SLC18B1: variants seen among roughly 807,000 people sequenced by gnomAD.
SLC18B1 encodes the protein MFS-type transporter SLC18B1.
A neutral mutation model predicts 53.9 loss-of-function variants in SLC18B1; 62 were observed. The observed-to-expected ratio is 1.15, with a 90% confidence interval of 0.94 to 1.42. The LOEUF (loss-of-function observed/expected upper bound fraction) is 1.42, where lower values mean the gene tolerates loss of function less well. SLC18B1 is among the 40% of genes most tolerant of loss of function. The probability of loss-of-function intolerance (pLI) is 0.00; values close to 1 mark genes in which losing one functional copy is unlikely to be tolerated. For missense variants in SLC18B1, 598 were observed against 547.3 expected (o/e 1.09, Z -0.93); for synonymous variants, 217 against 200.9 (o/e 1.08, Z -0.68).
intron 11 of SLC18B1, 65 bp from the exon 12 acceptor site, chr6:132,771,194 C>T: frequency 7.3e-7 from 1 of 1,368,376 alleles, no homozygotes. Context: ...TCATGAAAAG[C>T]TACATGATCC....
chr6:132,773,629 G>C (rs78907017), intron 9 of SLC18B1, among the ~76,000 whole-genome samples: 2,523 of 152,310 alleles, frequency 0.017, 41 homozygotes, highest in Non-Finnish European at 0.026. Flanking sequence ...GCTCTTGGAA[G>C]TTAAGTGGTT....
At chr6:132,792,288 AAAGGAAGGAAGGAAGGAAGGAAGGAAGG>A (rs1167820594) in intron 2 of SLC18B1, among the ~76,000 whole-genome samples, 1 of 39,904 alleles carries the variant, frequency 2.5e-5, no homozygotes, top group African/African-American at 1.3e-4. Flanking sequence ...AGAAAGGAAG[AAAGGAAGGAAGGAAGGAAGGAAGGAAGG>A]AAGGAAGGAA....
intron 4 of SLC18B1, 128 bp from the exon 5 acceptor site, chr6:132,787,709 T>C (rs1781414374): frequency 1.5e-5 from 12 of 787,136 alleles, no homozygotes; most frequent in Non-Finnish European, 2.1e-5. Flanking sequence ...CTTTAGAATA[T>C]GATTTTTTTA....
rs748347765 is a variant in SLC18B1, at chr6:132,774,331, G to A, written c.898-18C>T. The A allele has an allele frequency of 1.3e-6, 2 of 1,588,858 alleles. No individual in the cohort carries two copies. The highest frequency in any genetic ancestry group is 1.7e-6 in the Non-Finnish European group (2 of 1,161,150). On this transcript the variant is annotated intron_variant, in intron 8 of 13. Transcript: ENST00000275227. ...CTTAGAGGCTGGTAAAGGAGAAAGA[G>A]AGTCAAAATGATTCTTAGAGGCAAA... is the stretch of plus-strand genomic sequence containing the variant.
rs375215839 is a variant in SLC18B1 at position 132,771,063 on chromosome 6, A to G, written c.1227T>C (p.Ala409=). ...YEKIGFEWAA[A]IQGLWALISG... ...TTATCAGAGCCCATAGACCTTGTAT[A>G]GCTGCTGCCCATTCAAAACCAATTT... The change falls in exon 12 of 14, where the codon GCT becomes GCC. Residue 409 remains alanine (A), a synonymous_variant. Coordinates refer to ENST00000275227, the MANE Select transcript of SLC18B1 (RefSeq NM_052831.3). 1.8e-5 allele frequency: 29 copies of G among 1,614,074 alleles called. No homozygotes were observed. In the African/African-American group the frequency reaches 3.9e-4, roughly 22 times the overall value.
chr6:132,771,105 A>G lies in SLC18B1; in HGVS notation c.1185T>C (p.Gly395=). 6.2e-7 allele frequency: 1 copy of G among 1,614,140 alleles called. No homozygotes were observed. Among genetic ancestry groups the G allele is most frequent in the Non-Finnish European group, 8.5e-7 (1 of 1,180,006 alleles). ...AACCAATTTTCTCATACAGAAATCC[A>G]CCCAGCGTTGGTCCCATAAAAGCAC... is the stretch of plus-strand genomic sequence containing the variant. ...SIGAFMGPTL[G]GFLYEKIGFE... The change falls in exon 12 of 14, where the codon GGT becomes GGC. Residue 395 remains glycine, a synonymous_variant. Transcript: ENST00000275227.
chr6:132,792,328 G>T (rs71574634), intron 2 of SLC18B1, among the ~76,000 whole-genome samples: 1 of 108,276 alleles, frequency 9.2e-6, no homozygotes, highest in Non-Finnish European at 1.7e-5. Context: ...AGGAAGGAAG[G>T]AAGGAAGGAA....
intron 4 of SLC18B1, 43 bp from the exon 5 acceptor site, chr6:132,787,624 CT>C (rs5880140): frequency 0.17 from 181,146 of 1,090,872 alleles, 577 homozygotes; most frequent in East Asian, 0.23. Flanking sequence ...AGCTGGTTTT[CT>C]TTTTTTTTTT....
chr6:132,781,026 G>C (rs56908272), intron 6 of SLC18B1, among the ~76,000 whole-genome samples: 14,889 of 152,136 alleles, frequency 0.098, 1,201 homozygotes, highest in African/African-American at 0.22. Flanking sequence ...AAGTTGGTAT[G>C]ATTTTTGAAT....
intron 5 of SLC18B1, among the ~76,000 whole-genome samples, chr6:132,786,041 T>C (rs929015172): frequency 1.1e-4 from 16 of 152,088 alleles, no homozygotes; most frequent in African/African-American, 3.6e-4. Flanking sequence ...TAATGTGAAC[T>C]GGGCATCTCT....
intron 5 of SLC18B1, 86 bp from the exon 6 acceptor site, chr6:132,784,175 C>A: frequency 8.7e-7 from 1 of 1,151,242 alleles, no homozygotes; most frequent in Non-Finnish European, 1.1e-6. Flanking sequence ...TTTCTATCTT[C>A]TTCATAATTT....
At position 132,792,938 on chromosome 6, in the gene SLC18B1, G is replaced by A. The variant is rs184202703; in HGVS notation, c.184-2666C>T. On this transcript the variant is annotated intron_variant, in intron 2 of 13. Coordinates refer to ENST00000275227, the MANE Select transcript of SLC18B1 (RefSeq NM_052831.3). ...GTTCGAGACCAGCCTGGCCAATATGGTGAAACCCCGTCTCTACTAAAAATA... is the reference window on the plus strand; with the variant it reads ...GTTCGAGACCAGCCTGGCCAATATGATGAAACCCCGTCTCTACTAAAAATA... Among the ~76,000 whole-genome samples, 5 of 152,270 alleles carry A rather than the reference G, an allele frequency of 3.3e-5. No individual in the cohort carries two copies. The East Asian group carries it at 9.6e-4, about 29-fold the overall frequency.
At chr6:132,777,356 TTCC>T (rs1781123660) in intron 7 of SLC18B1, among the ~76,000 whole-genome samples, 2 of 152,168 alleles carry the variant, frequency 1.3e-5, no homozygotes, top group African/African-American at 4.8e-5. Context: ...ACCTCCTGTC[TTCC>T]TCATCACTTA....
chr6:132,776,880 G>A (rs192205233), intron 7 of SLC18B1, among the ~76,000 whole-genome samples: 54 of 152,278 alleles, frequency 3.5e-4, no homozygotes, highest in African/African-American at 1.1e-3. Context: ...CACCTGAAAA[G>A]GGAGCAGCAG....
intron 2 of SLC18B1, among the ~76,000 whole-genome samples, chr6:132,793,015 GGA>G (rs1170736283): frequency 1.3e-5 from 2 of 152,286 alleles, no homozygotes; most frequent in Admixed American, 1.3e-4. Context: ...CAGCTACTTG[GGA>G]GACTGAGGCG....
chr6:132,772,052 A>C, intron 11 of SLC18B1, 80 bp downstream of exon 11: 1 of 981,298 alleles, frequency 1.0e-6, no homozygotes, highest in Admixed American at 2.6e-5. Context: ...AGATCGCACC[A>C]TTGCACTCCA....
At chr6:132,787,357 C>T (rs750065472) in intron 5 of SLC18B1, 77 bp downstream of exon 5, 11 of 1,378,696 alleles carry the variant, frequency 8.0e-6, no homozygotes, top group Middle Eastern at 1.9e-4. Context: ...GAAGAATGGA[C>T]CCCAGCTTTA....
chr6:132,797,183 T>A, intron 1 of SLC18B1, 62 bp from the exon 2 acceptor site: 4 of 1,592,370 alleles, frequency 2.5e-6, no homozygotes. Context: ...AGTACACAAA[T>A]GTGATTTCTG....
chr6:132,796,354 C>CAAAAAAAAAAAAA (rs780737208), intron 2 of SLC18B1, among the ~76,000 whole-genome samples: 5 of 44,700 alleles, frequency 1.1e-4, no homozygotes, highest in African/African-American at 5.6e-4. Flanking sequence ...GACTCCATCT[C>CAAAAAAAAAAAAA]AAAAAAAAAA....
Sources: gnomAD v4.1 joint callset for allele counts (sites outside exome capture counted in the v4.1 genomes callset) on GRCh38, gnomAD v4.1.1 for gene constraint, MANE v1.5 for transcripts, NCBI Gene and HGNC (gene_info 2026-07-23, HGNC 2026-07-21) for gene names.